ATP6V1B2: variants seen among roughly 807,000 people sequenced by gnomAD.
The protein encoded by ATP6V1B2 is V-type proton ATPase subunit B, brain isoform.
Under a neutral mutation model 66.7 loss-of-function variants are expected in ATP6V1B2, and 23 were observed. The ratio of observed to expected loss-of-function variants is 0.34; its 90% CI spans 0.25 to 0.49. The LOEUF is 0.49. ATP6V1B2 is among the 20% of genes least tolerant of loss of function. The pLI is 0.99. For synonymous variants in ATP6V1B2, 278 were observed against 236.7 expected, an observed-to-expected ratio of 1.17 and a Z score of -1.60; for missense variants, 478 against 650.8, an observed-to-expected ratio of 0.73 and a Z score of 2.89.
intron 2 of ATP6V1B2, 85 bp downstream of exon 2, chr8:20,204,624 T>C (rs2072719634): frequency 2.4e-6 from 3 of 1,247,194 alleles, no homozygotes; most frequent in Admixed American, 2.0e-5. Flanking sequence ...ATTTTTGTTA[T>C]GATTTTTAAG....
chr8:20,214,668 GA>G (rs1331074460), intron 9 of ATP6V1B2, 149 bp from the exon 10 acceptor site: 3 of 858,604 alleles, frequency 3.5e-6, no homozygotes, highest in African/African-American at 1.8e-5. Flanking sequence ...ATGTTGCCGG[GA>G]GATTTTTCTA....
At chr8:20,212,343 G>C (rs1313264340) in intron 8 of ATP6V1B2, 144 bp downstream of exon 8, 2 of 756,822 alleles carry the variant, frequency 2.6e-6, no homozygotes, top group African/African-American at 3.5e-5. Context: ...CCTGCTTCTT[G>C]GTAGTTATCT....
At chr8:20,217,420 C>G in intron 12 of ATP6V1B2, 96 bp downstream of exon 12, 2 of 1,098,586 alleles carry the variant, frequency 1.8e-6, no homozygotes. Flanking sequence ...TCTCTCTTCC[C>G]CATCCACATG....
chr8:20,210,163 G>A (rs1401985216), intron 3 of ATP6V1B2, among the ~76,000 whole-genome samples, 183 bp from the exon 4 acceptor site: 2 of 150,728 alleles, frequency 1.3e-5, no homozygotes, highest in South Asian at 2.1e-4. Flanking sequence ...TGGCCTGTAG[G>A]CATGAACCCT....
At chr8:20,203,655 G>A (rs544698009) in intron 1 of ATP6V1B2, among the ~76,000 whole-genome samples, 50 of 152,064 alleles carry the variant, frequency 3.3e-4, no homozygotes, top group African/African-American at 1.2e-3. Flanking sequence ...TAGGTGTCTG[G>A]TAGAATTACT....
chr8:20,197,398 G>A lies in ATP6V1B2; in HGVS notation c.-9G>A, dbSNP rs748375397. On this transcript the variant is annotated 5_prime_UTR_variant, in exon 1 of 14. Coordinates refer to ENST00000276390, the MANE Select transcript of ATP6V1B2 (RefSeq NM_001693.4). ...TCGCTGCTGGGCCAGTCGGGACAGAGGAGACAAGATGGCGCTGCGGGCGAT... is the reference window on the plus strand; with the variant it reads ...TCGCTGCTGGGCCAGTCGGGACAGAAGAGACAAGATGGCGCTGCGGGCGAT... 5.9e-6 allele frequency: 9 copies of A among 1,533,152 alleles called. No homozygotes were observed. Among genetic ancestry groups the A allele is most frequent in the Non-Finnish European group, 7.9e-6 (9 of 1,141,212 alleles). 95.0% of individuals were successfully genotyped at this position (1,533,152 alleles called of 1,614,324 possible).
rs374727236 is a variant in ATP6V1B2, at chr8:20,197,400, A to G, written c.-7A>G. The G allele has an allele frequency of 1.6e-5, 24 of 1,533,558 alleles. No individual in the cohort carries two copies. The highest frequency in any genetic ancestry group is 1.9e-5 in the Non-Finnish European group (22 of 1,141,464). 95.0% of individuals were successfully genotyped at this position (1,533,558 alleles called of 1,614,324 possible). ...GCTGCTGGGCCAGTCGGGACAGAGG[A>G]GACAAGATGGCGCTGCGGGCGATGC... On this transcript the variant is annotated 5_prime_UTR_variant, in exon 1 of 14. Transcript: ENST00000276390.
At chr8:20,198,826 G>C (rs1468970299) in intron 1 of ATP6V1B2, among the ~76,000 whole-genome samples, 4 of 152,194 alleles carry the variant, frequency 2.6e-5, no homozygotes, top group African/African-American at 9.6e-5. Flanking sequence ...CAGTAACTGG[G>C]AATTGTTCGA....
chr8:20,209,566 G>T (rs1319880433), intron 3 of ATP6V1B2, 35 bp downstream of exon 3: 3 of 1,565,758 alleles, frequency 1.9e-6, no homozygotes, highest in Non-Finnish European at 2.6e-6. Flanking sequence ...CTGTTTCCTA[G>T]TTGCCTACAC....
intron 2 of ATP6V1B2, among the ~76,000 whole-genome samples, chr8:20,207,088 C>A (rs185303197): frequency 1.3e-5 from 2 of 152,056 alleles, no homozygotes; most frequent in Admixed American, 1.3e-4. Context: ...TAACTATTTA[C>A]AGAAAACTAT....
chr8:20,207,276 A>C (rs1016320614), intron 2 of ATP6V1B2, among the ~76,000 whole-genome samples: 3 of 152,100 alleles, frequency 2.0e-5, no homozygotes, highest in Non-Finnish European at 4.4e-5. Flanking sequence ...CCTGAAATCA[A>C]CTCTTCACAC....
At chr8:20,212,297 C>A (rs767488300) in intron 8 of ATP6V1B2, 98 bp downstream of exon 8, 5 of 1,125,844 alleles carry the variant, frequency 4.4e-6, no homozygotes, top group Non-Finnish European at 6.5e-6. Flanking sequence ...AGCATTTGGA[C>A]CTAACAATGA....
At position 20,211,311 on chromosome 8, in the gene ATP6V1B2, A is replaced by G; in HGVS notation, c.598A>G (p.Asn200Asp). ...PIFSAAGLPHNEIAAQICRQA... is the reference protein window; with the variant it reads ...PIFSAAGLPHDEIAAQICRQA... ...CTTCTCTGCTGCTGGGCTACCACACAATGAGGTGAGGACTGGGATCGGTTT... is the reference window on the plus strand; with the variant it reads ...CTTCTCTGCTGCTGGGCTACCACACGATGAGGTGAGGACTGGGATCGGTTT... The change falls in exon 6 of 14, where the codon AAT becomes GAT. Residue 200 changes from asparagine to aspartate, a missense_variant. Physicochemically the swap from Asn to Asp is conservative, Grantham distance 23. Transcript: ENST00000276390. The G allele has an allele frequency of 3.1e-6, 5 of 1,612,754 alleles. No homozygotes were observed. Among genetic ancestry groups the G allele is most frequent in the Non-Finnish European group, 4.2e-6 (5 of 1,179,602 alleles).
chr8:20,204,714 AT>A (rs1288572012), intron 2 of ATP6V1B2, among the ~76,000 whole-genome samples, 175 bp downstream of exon 2: 6 of 152,138 alleles, frequency 3.9e-5, no homozygotes, highest in Admixed American at 6.5e-5. Context: ...CTGGGCTAAG[AT>A]TTTTGCCTGA....
intron 13 of ATP6V1B2, among the ~76,000 whole-genome samples, chr8:20,219,662 C>T (rs1362360377): frequency 6.6e-6 from 1 of 152,012 alleles, no homozygotes; most frequent in Non-Finnish European, 1.5e-5. Context: ...ATATCTTAAA[C>T]AAAATAAAGT....
intron 9 of ATP6V1B2, 170 bp from the exon 10 acceptor site, chr8:20,214,648 C>T: frequency 1.4e-6 from 1 of 720,228 alleles, no homozygotes; most frequent in Non-Finnish European, 1.9e-6. Context: ...TTACAGAATA[C>T]TTTGAATTTA....
chr8:20,209,130 C>T lies in ATP6V1B2; in HGVS notation c.193-303C>T, dbSNP rs183421414. On this transcript the variant is annotated intron_variant, in intron 2 of 13. Coordinates refer to ENST00000276390, the MANE Select transcript of ATP6V1B2 (RefSeq NM_001693.4). ...TGAGAACATGTTTATCTGTACTTTT[C>T]TGTAGCCTCAAAACTATAAAATATG... Among the ~76,000 whole-genome samples, 390 of 152,280 alleles carry T rather than the reference C, an allele frequency of 2.6e-3. 9 individuals carry two copies. The highest frequency in any genetic ancestry group is 0.023 in the Admixed American group (345 of 15,300).
intron 1 of ATP6V1B2, among the ~76,000 whole-genome samples, chr8:20,201,632 TA>T (rs900810082): frequency 1.3e-4 from 20 of 152,196 alleles, no homozygotes; most frequent in Admixed American, 1.1e-3. Flanking sequence ...ATCCTAAGAT[TA>T]AAGAAAAACA....
In ATP6V1B2 at chr8:20,219,318, T is replaced by C. The variant is rs114601568; in HGVS notation, c.1397-945T>C. ...ACCCTTGGCCATTGGTGCCAACTTT[T>C]TCACCACTCTTCTTGACTCTTTGTG... On this transcript the variant is annotated intron_variant, in intron 13 of 13. Coordinates refer to ENST00000276390, the MANE Select transcript of ATP6V1B2 (RefSeq NM_001693.4). Among the ~76,000 whole-genome samples, 230 of 152,270 alleles carry C rather than the reference T, an allele frequency of 1.5e-3. 1 individual carries two copies. Among genetic ancestry groups the C allele is most frequent in the African/African-American group, 5.3e-3 (222 of 41,560 alleles).
Sources: gnomAD v4.1 joint callset for allele counts (sites outside exome capture counted in the v4.1 genomes callset) on GRCh38, gnomAD v4.1.1 for gene constraint, MANE v1.5 for transcripts, NCBI Gene and HGNC (gene_info 2026-07-23, HGNC 2026-07-21) for gene names.